Variants in TBCK observed in about 807,000 individuals in gnomAD.
TBCK encodes TBC1 domain containing kinase, also known as TBC domain-containing protein kinase-like protein.
TBCK carries 99 observed loss-of-function variants against 113.4 expected under a neutral mutation model. The ratio of observed to expected loss-of-function variants is 0.87; its 90% CI spans 0.74 to 1.03. The LOEUF (loss-of-function observed/expected upper bound fraction) is 1.03. Among genes scored for constraint, TBCK ranks in the 50% least tolerant of loss-of-function variants. TBCK has a pLI of 0.00. For missense variants in TBCK, 1,045 were observed against 1,061.3 expected, an observed-to-expected ratio of 0.98 and a Z score of 0.21; for synonymous variants, 369 against 370.8, an observed-to-expected ratio of 1.00 and a Z score of 0.05.
intron 20 of TBCK, among the ~76,000 whole-genome samples, chr4:106,202,555 A>G (rs1416722300): frequency 6.6e-6 from 1 of 152,054 alleles, no homozygotes; most frequent in African/African-American, 2.4e-5. Flanking sequence ...TTCCACCTTT[A>G]TTATTAAAAA....
intron 2 of TBCK, among the ~76,000 whole-genome samples, chr4:106,306,103 G>C (rs1392230619): frequency 1.3e-5 from 2 of 151,830 alleles, no homozygotes; most frequent in Non-Finnish European, 2.9e-5. Flanking sequence ...TTCTCTTGGG[G>C]GTCTGGATTG....
At chr4:106,127,349 G>T (rs983672048) in intron 23 of TBCK, among the ~76,000 whole-genome samples, 1 of 151,910 alleles carries the variant, frequency 6.6e-6, no homozygotes, top group African/African-American at 2.4e-5. Flanking sequence ...AAATATTAGT[G>T]TTGACATTTT....
At chr4:106,072,823 CTT>C (rs974220940) in intron 25 of TBCK, among the ~76,000 whole-genome samples, 2 of 151,990 alleles carry the variant, frequency 1.3e-5, no homozygotes, top group African/African-American at 4.8e-5. Context: ...CTAAACTTCT[CTT>C]CTCTCTTCAT....
At chr4:106,244,793 G>A (rs969285604) in intron 10 of TBCK, 29 bp from the exon 11 acceptor site, 19 of 1,382,388 alleles carry the variant, frequency 1.4e-5, no homozygotes, top group Non-Finnish European at 1.9e-5. Flanking sequence ...AGGAATCATT[G>A]TATTATATTT....
chr4:106,066,529 T>C (rs1196148059), intron 25 of TBCK, among the ~76,000 whole-genome samples: 2 of 152,000 alleles, frequency 1.3e-5, no homozygotes, highest in African/African-American at 2.4e-5. Context: ...GTAAAACATA[T>C]ATAACATAAA....
intron 25 of TBCK, among the ~76,000 whole-genome samples, chr4:106,092,160 A>C (rs1434659911): frequency 1.3e-5 from 2 of 152,196 alleles, no homozygotes; most frequent in Non-Finnish European, 2.9e-5. Flanking sequence ...CAGATTAGCT[A>C]GATACAGAGT....
At chr4:106,308,119 C>A (rs541672537) in intron 2 of TBCK, among the ~76,000 whole-genome samples, 1 of 152,064 alleles carries the variant, frequency 6.6e-6, no homozygotes, top group African/African-American at 2.4e-5. Context: ...TAAGAATAGA[C>A]GGTTTCCCTG....
At chr4:106,271,706 C>T (rs954044434) in intron 3 of TBCK, among the ~76,000 whole-genome samples, 5 of 150,372 alleles carry the variant, frequency 3.3e-5, no homozygotes, top group African/African-American at 7.4e-5. Flanking sequence ...GAGCTGAGAT[C>T]GCGCCACTGC....
At chr4:106,163,810 T>G (rs530468232) in intron 23 of TBCK, among the ~76,000 whole-genome samples, 1 of 152,100 alleles carries the variant, frequency 6.6e-6, no homozygotes, top group Non-Finnish European at 1.5e-5. Context: ...AGATCAGACT[T>G]TGGGTGGGAA....
intron 25 of TBCK, among the ~76,000 whole-genome samples, chr4:106,064,375 A>G (rs1024266656): frequency 6.6e-6 from 1 of 151,872 alleles, no homozygotes; most frequent in Non-Finnish European, 1.5e-5. Context: ...ATAAAATATT[A>G]TTCAGATATA....
At chr4:106,280,371 TGTGA>T (rs1180282125) in intron 3 of TBCK, among the ~76,000 whole-genome samples, 15 of 152,260 alleles carry the variant, frequency 9.9e-5, no homozygotes, top group African/African-American at 3.6e-4. Flanking sequence ...ATTCCCAATC[TGTGA>T]GTGTCTCTTC....
chr4:106,194,520 T>G (rs1754000946), intron 21 of TBCK, among the ~76,000 whole-genome samples, 198 bp downstream of exon 21: 2 of 152,198 alleles, frequency 1.3e-5, no homozygotes, highest in Admixed American at 6.5e-5. Flanking sequence ...AATAGGTTTT[T>G]ATTTTATAGA....
chr4:106,268,736 A>C (rs1026062335), intron 3 of TBCK, among the ~76,000 whole-genome samples: 6 of 152,138 alleles, frequency 3.9e-5, no homozygotes, highest in African/African-American at 1.4e-4. Context: ...ATTAGACTAA[A>C]TTGTTGAGAG....
chr4:106,277,900 T>C (rs1298702481), intron 3 of TBCK, among the ~76,000 whole-genome samples: 2 of 152,218 alleles, frequency 1.3e-5, no homozygotes, highest in East Asian at 1.9e-4. Flanking sequence ...GTTAGTTGTA[T>C]ACATGCTAAA....
chr4:106,107,955 C>T (rs1410300586), intron 24 of TBCK, among the ~76,000 whole-genome samples: 1 of 152,020 alleles, frequency 6.6e-6, no homozygotes, highest in Non-Finnish European at 1.5e-5. Context: ...CCACTGACCC[C>T]ACAGAAATGA....
intron 22 of TBCK, among the ~76,000 whole-genome samples, chr4:106,193,093 C>T (rs1174991745): frequency 6.6e-6 from 1 of 152,150 alleles, no homozygotes; most frequent in East Asian, 1.9e-4. Context: ...TGTGAATACT[C>T]TATATAGCTT....
chr4:106,165,981 A>T (rs997023268), intron 23 of TBCK, among the ~76,000 whole-genome samples: 2 of 151,708 alleles, frequency 1.3e-5, no homozygotes, highest in Admixed American at 1.3e-4. Context: ...TCCACTTTTA[A>T]CCTTCCATTC....
At chr4:106,267,827 G>T (rs183442392) in intron 3 of TBCK, among the ~76,000 whole-genome samples, 1 of 151,998 alleles carries the variant, frequency 6.6e-6, no homozygotes, top group African/African-American at 2.4e-5. Context: ...CTGTCTTCAT[G>T]ATTAAATCGT....
intron 6 of TBCK, 33 bp downstream of exon 6, chr4:106,251,833 C>G: frequency 6.9e-7 from 1 of 1,439,696 alleles, no homozygotes; most frequent in South Asian, 1.7e-5. Context: ...TGCACAATTT[C>G]CTTTTATTAT....
Sources: gnomAD v4.1 joint callset for allele counts (sites outside exome capture counted in the v4.1 genomes callset) on GRCh38, gnomAD v4.1.1 for gene constraint, MANE v1.5 for transcripts, NCBI Gene and HGNC (gene_info 2026-07-23, HGNC 2026-07-21) for gene names.